The following PKDCC variants were observed in gnomAD, a reference collection of about 807,000 sequenced individuals.
The protein encoded by PKDCC is protein kinase domain containing, cytoplasmic.
In PKDCC, 35 loss-of-function variants were observed where a neutral mutation model predicts 44.7. That is an observed-to-expected ratio of 0.78 (90% CI 0.60 to 1.04). PKDCC has a LOEUF of 1.04. Ranked by LOEUF, PKDCC falls within the 50% of genes least tolerant of loss-of-function variation. The pLI is 0.00. For missense variants in PKDCC, 738 were observed against 672.7 expected, an observed-to-expected ratio of 1.10 and a Z score of -1.07; for synonymous variants, 353 against 303.3, an observed-to-expected ratio of 1.16 and a Z score of -1.70.
chr2:42,048,584 C>G lies in PKDCC; in HGVS notation c.385C>G (p.Arg129Gly). The G allele has an allele frequency of 6.9e-7, 1 of 1,454,864 alleles. No homozygotes were observed. Among genetic ancestry groups the G allele is most frequent in the Non-Finnish European group, 9.1e-7 (1 of 1,102,842 alleles). 90.1% of individuals were successfully genotyped at this position (1,454,864 alleles called of 1,614,324 possible). Residue 129 changes from arginine (R) to glycine (G), a missense_variant, in exon 1 of 7, where the codon CGC becomes GGC. By Grantham distance (125) the Arg-to-Gly change is moderately radical (BLOSUM62 -2). Coordinates refer to ENST00000294964, the MANE Select transcript of PKDCC (RefSeq NM_138370.3). This position sits in a 1 kb window ranked among gnomAD's most constrained non-coding sequence, Gnocchi z 6.2. ...CCCAGGCTCCCCCGGCCCGGGCCCG[C>G]GCCTGGGCTGCGCCGCGCTTCGCAA... is the stretch of plus-strand genomic sequence containing the variant. ...PGPGSPGPGP[R>G]LGCAALRNVS...
Position 42,054,185 on chromosome 2 carries a change from G to A in PKDCC, c.912G>A (p.Thr304=), listed in dbSNP as rs778065415. The change falls in exon 3 of 7, where the codon ACG becomes ACA. Residue 304 remains threonine (T), a synonymous_variant. Coordinates refer to ENST00000294964, the MANE Select transcript of PKDCC (RefSeq NM_138370.3). The surrounding 1 kb of genome is among the most constrained non-coding windows in gnomAD (Gnocchi z 6.1). ...TGGATGACGCACGTGTGGAGGAGAC[G>A]CCGTGTGCAGGCAGCACCGACTGCA... The part of the protein sequence containing the change: ...TDLDDARVEE[T]PCAGSTDCIL... The A allele has an allele frequency of 8.7e-6, 14 of 1,609,268 alleles. No individual in the cohort carries two copies. Among genetic ancestry groups the A allele is most frequent in the African/African-American group, 6.7e-5 (5 of 74,850 alleles).
chr2:42,054,861 G>A lies in PKDCC; in HGVS notation c.1035-80G>A, dbSNP rs918828133. The A allele has an allele frequency of 1.3e-5, 17 of 1,351,060 alleles. No homozygotes were observed. Among genetic ancestry groups the A allele is most frequent in the South Asian group, 3.5e-5 (3 of 85,098 alleles). 83.7% of individuals were successfully genotyped at this position (1,351,060 alleles called of 1,614,324 possible). Reference sequence around the variant, plus strand: ...GATCCGGCTCCCTGGCCAGGTTAGCGTTCTGCCCCAGGTTGGAATAGAGGA... The same window carrying A: ...GATCCGGCTCCCTGGCCAGGTTAGCATTCTGCCCCAGGTTGGAATAGAGGA... On this transcript the variant is annotated intron_variant, in intron 3 of 6. Transcript: ENST00000294964. The surrounding 1 kb of genome is among the most constrained non-coding windows in gnomAD (Gnocchi z 6.1).
chr2:42,055,435 G>A lies in PKDCC; in HGVS notation c.1222+42G>A. 6.3e-7 allele frequency: 1 copy of A among 1,579,186 alleles called. No individual in the cohort carries two copies. On this transcript the variant is annotated intron_variant, in intron 5 of 6. Coordinates refer to ENST00000294964, the MANE Select transcript of PKDCC (RefSeq NM_138370.3). The surrounding 1 kb of genome is among the most constrained non-coding windows in gnomAD (Gnocchi z 4.5). ...TGATCCACAGGGAAGCAAGAAACAG[G>A]TGGGAGGGTGAATGACCCCGCCCAA...
rs752001053 is a variant in PKDCC at position 42,055,340 on chromosome 2, A to G, written c.1169A>G (p.His390Arg). 6.2e-6 allele frequency: 10 copies of G among 1,613,610 alleles called. No individual in the cohort carries two copies. The African/African-American group carries it at 1.3e-4, about 22-fold the overall frequency. ...ETLAQLEKVL[H>R]LYRSGQYLQN... Reference sequence around the variant, plus strand: ...CTGGCCCAGCTGGAGAAGGTGCTGCACCTGTACCGGAGCGGGCAGTATCTG... The same window carrying G: ...CTGGCCCAGCTGGAGAAGGTGCTGCGCCTGTACCGGAGCGGGCAGTATCTG... The change falls in exon 5 of 7, where the codon CAC becomes CGC. Residue 390 changes from histidine to arginine, a missense_variant. Transcript: ENST00000294964. The surrounding 1 kb of genome is among the most constrained non-coding windows in gnomAD (Gnocchi z 4.5).
At chr2:42,049,217 C>T (rs1316273461) in intron 1 of PKDCC, among the ~76,000 whole-genome samples, 1 of 152,190 alleles carries the variant, frequency 6.6e-6, no homozygotes, top group Non-Finnish European at 1.5e-5. Flanking sequence ...ACACTTGAGT[C>T]AGAATTCCAA....
intron 2 of PKDCC, 115 bp from the exon 3 acceptor site, chr2:42,053,921 A>C (rs1187967200): frequency 7.5e-7 from 1 of 1,333,032 alleles, no homozygotes; most frequent in Non-Finnish European, 1.0e-6. Flanking sequence ...CCTATAGAAG[A>C]GAAGTGCCAA....
Position 42,048,866 on chromosome 2 carries a change from G to C in PKDCC, c.639+28G>C. ...ACGAGGGTGGGGACGCGGGGGTAAC[G>C]GTGTTGGCTGGGAGTGCCCAAGACC... On this transcript the variant is annotated intron_variant, in intron 1 of 6. Transcript: ENST00000294964. This position sits in a 1 kb window ranked among gnomAD's most constrained non-coding sequence, Gnocchi z 6.2. 2 of 1,452,748 alleles carry C rather than the reference G, an allele frequency of 1.4e-6. No individual in the cohort carries two copies. Among genetic ancestry groups the C allele is most frequent in the Non-Finnish European group, 1.8e-6 (2 of 1,098,150 alleles). The allele number at this position is 1,452,748 out of a possible 1,614,324, so 90.0% of individuals were successfully genotyped here.
At position 42,048,438 on chromosome 2, in the gene PKDCC, G is replaced by A. The variant is rs1572758754; in HGVS notation, c.239G>A (p.Gly80Asp). The A allele has an allele frequency of 9.0e-7, 1 of 1,112,162 alleles. No individual in the cohort carries two copies. 68.9% of individuals were successfully genotyped at this position (1,112,162 alleles called of 1,614,324 possible). A position where few individuals can be genotyped will look rare whatever the true frequency, so the allele number is the denominator to read the frequency against. Residue 80 changes from glycine to aspartate, a missense_variant, in exon 1 of 7, where the codon GGC becomes GAC. Coordinates refer to ENST00000294964, the MANE Select transcript of PKDCC (RefSeq NM_138370.3). The surrounding 1 kb of genome is among the most constrained non-coding windows in gnomAD (Gnocchi z 6.2). Reference protein sequence around the residue: ...YSRGGPGPGAGRPERRRLMDL... With the variant: ...YSRGGPGPGADRPERRRLMDL... ...CGCGGGGGCCCCGGGCCCGGGGCGG[G>A]CCGGCCGGAGCGGCGGCGCCTGATG...
Position 42,057,635 on chromosome 2 carries a change from AG to A in PKDCC, c.1430del (p.Ser477ThrfsTer13), listed in dbSNP as rs757329395. ...GCTGGTCTTTTTCAAGACTGGATGG[AG>A]CCAAGTGGTCCCTGATCCCAACAAG... is the stretch of plus-strand genomic sequence containing the variant. ...RQLVFFKTGW[S>X]QVVPDPNKTT... is the part of the protein sequence containing the mutation. On this transcript the variant is annotated frameshift_variant, in exon 7 of 7. Coordinates refer to ENST00000294964, the MANE Select transcript of PKDCC (RefSeq NM_138370.3). LOFTEE classifies it high-confidence loss of function. 1 of 1,613,970 alleles carries A rather than the reference AG, an allele frequency of 6.2e-7. No individual in the cohort carries two copies. Among genetic ancestry groups the A allele is most frequent in the Non-Finnish European group, 8.5e-7 (1 of 1,179,978 alleles).
chr2:42,048,693 T>G lies in PKDCC; in HGVS notation c.494T>G (p.Leu165Arg). Residue 165 changes from leucine (L) to arginine (R), a missense_variant, in exon 1 of 7, where the codon CTC becomes CGC. Leu to Arg is a moderately radical substitution (Grantham distance 102). Transcript: ENST00000294964. The surrounding 1 kb of genome is among the most constrained non-coding windows in gnomAD (Gnocchi z 6.2). The stretch of plus-strand genomic sequence containing the variant: ...CTGCCCGGCGGTGCCGCGGTGGCGC[T>G]CAAGGCGGTGGACTTTAGCGGCCAC... ...VRLPGGAAVA[L>R]KAVDFSGHDL... 6.4e-7 allele frequency: 1 copy of G among 1,550,950 alleles called. No individual in the cohort carries two copies. The highest frequency in any genetic ancestry group is 1.2e-5 in the South Asian group (1 of 84,238).
rs1345169400 is a variant in PKDCC, at chr2:42,048,264, T to C, written c.65T>C (p.Leu22Pro). The C allele has an allele frequency of 7.8e-7, 1 of 1,280,090 alleles. No individual in the cohort carries two copies. Among genetic ancestry groups the C allele is most frequent in the South Asian group, 1.8e-5 (1 of 54,306 alleles). 79.3% of individuals were successfully genotyped at this position (1,280,090 alleles called of 1,614,324 possible). The change falls in exon 1 of 7, where the codon CTC becomes CCC. Residue 22 changes from leucine to proline, a missense_variant. Coordinates refer to ENST00000294964, the MANE Select transcript of PKDCC (RefSeq NM_138370.3). The surrounding 1 kb of genome is among the most constrained non-coding windows in gnomAD (Gnocchi z 6.2). Reference protein sequence around the residue: ...FCASFLLGSVLNVLFAPGSEP... With the variant: ...FCASFLLGSVPNVLFAPGSEP... ...GCCTCCTTCCTGCTGGGCTCCGTCC[T>C]CAACGTGCTCTTCGCTCCGGGCTCG... is the stretch of plus-strand genomic sequence containing the variant.
At chr2:42,053,830 G>A (rs1550431) in intron 2 of PKDCC, among the ~76,000 whole-genome samples, 32,082 of 152,018 alleles carry the variant, frequency 0.21, 4,635 homozygotes, top group East Asian at 0.43. Flanking sequence ...CATTTCCAGG[G>A]TCAGGCCAGC....
At chr2:42,050,863 G>T (rs1038693912) in intron 1 of PKDCC, among the ~76,000 whole-genome samples, 2 of 152,126 alleles carry the variant, frequency 1.3e-5, no homozygotes, top group Admixed American at 1.3e-4. Context: ...GGCCAGTGTC[G>T]CTCTGGCCTC....
intron 1 of PKDCC, among the ~76,000 whole-genome samples, chr2:42,049,760 G>A (rs1667936398): frequency 6.6e-6 from 1 of 152,054 alleles, no homozygotes; most frequent in Admixed American, 6.6e-5. Flanking sequence ...AACACTCCAC[G>A]TCCTCTCTCT....
Position 42,054,876 on chromosome 2 carries a change from G to T in PKDCC, c.1035-65G>T. 6.9e-7 allele frequency: 1 copy of T among 1,455,630 alleles called. No homozygotes were observed. Among genetic ancestry groups the T allele is most frequent in the East Asian group, 2.3e-5 (1 of 44,090 alleles). 90.2% of individuals were successfully genotyped at this position (1,455,630 alleles called of 1,614,324 possible). ...CCAGGTTAGCGTTCTGCCCCAGGTT[G>T]GAATAGAGGAAGGATGTGTCTCCAA... On this transcript the variant is annotated intron_variant, in intron 3 of 6. Transcript: ENST00000294964. This position sits in a 1 kb window ranked among gnomAD's most constrained non-coding sequence, Gnocchi z 6.1.
At position 42,054,178 on chromosome 2, in the gene PKDCC, A is replaced by G. The variant is rs1391113074; in HGVS notation, c.905A>G (p.Glu302Gly). The G allele has an allele frequency of 7.4e-6, 12 of 1,611,210 alleles. No individual in the cohort carries two copies. Among genetic ancestry groups the G allele is most frequent in the Non-Finnish European group, 1.0e-5 (12 of 1,178,704 alleles). ...ACGGACCTGGATGACGCACGTGTGG[A>G]GGAGACGCCGTGTGCAGGCAGCACC... ...KVTDLDDARVEETPCAGSTDC... is the reference protein window; with the variant it reads ...KVTDLDDARVGETPCAGSTDC... Residue 302 changes from glutamate (E) to glycine (G), a missense_variant, in exon 3 of 7, where the codon GAG (glutamate) becomes GGG (glycine). Coordinates refer to ENST00000294964, the MANE Select transcript of PKDCC (RefSeq NM_138370.3). This position sits in a 1 kb window ranked among gnomAD's most constrained non-coding sequence, Gnocchi z 6.1.
rs1161850475 is a variant in PKDCC at position 42,054,424 on chromosome 2, C to T, written c.1034+117C>T. ...CAGGGAGACTCAGCCTTGACCAGAGCAAGGGAAGGCTTCTACCCTGTCCAG... is the reference window on the plus strand; with the variant it reads ...CAGGGAGACTCAGCCTTGACCAGAGTAAGGGAAGGCTTCTACCCTGTCCAG... On this transcript the variant is annotated intron_variant, in intron 3 of 6. Transcript: ENST00000294964. This position sits in a 1 kb window ranked among gnomAD's most constrained non-coding sequence, Gnocchi z 6.1. 8.0e-7 allele frequency: 1 copy of T among 1,243,056 alleles called. No homozygotes were observed. Among genetic ancestry groups the T allele is most frequent in the African/African-American group, 1.5e-5 (1 of 66,488 alleles). 77.0% of individuals were successfully genotyped at this position (1,243,056 alleles called of 1,614,324 possible). A position where few individuals can be genotyped will look rare whatever the true frequency, so the allele number is the denominator to read the frequency against.
Position 42,054,728 on chromosome 2 carries a change from C to T in PKDCC, c.1035-213C>T, listed in dbSNP as rs1007013352. On this transcript the variant is annotated intron_variant, in intron 3 of 6. Transcript: ENST00000294964. This position sits in a 1 kb window ranked among gnomAD's most constrained non-coding sequence, Gnocchi z 6.1. ...CCTGGGAAGGGTTGGGAAGCAGGCC[C>T]CTGGTTTCGGTTAGTATGAAGTTAG... The T allele has an allele frequency of 1.5e-5, 9 of 609,710 alleles. No individual in the cohort carries two copies. Among genetic ancestry groups the T allele is most frequent in the African/African-American group, 3.7e-5 (2 of 54,442 alleles). The allele number at this position is 609,710 out of a possible 1,614,324, so 37.8% of individuals were successfully genotyped here.
Position 42,048,292 on chromosome 2 carries a change from G to A in PKDCC, c.93G>A (p.Glu31=). ...ACGTGCTCTTCGCTCCGGGCTCGGAGCCTCCGAGGCCAGGCCAGTCCCCTG... is the reference window on the plus strand; with the variant it reads ...ACGTGCTCTTCGCTCCGGGCTCGGAACCTCCGAGGCCAGGCCAGTCCCCTG... The part of the protein sequence containing the change: ...VLNVLFAPGS[E]PPRPGQSPEP... The change falls in exon 1 of 7, where the codon GAG becomes GAA. Residue 31 remains glutamate, a synonymous_variant. Transcript: ENST00000294964. The surrounding 1 kb of genome is among the most constrained non-coding windows in gnomAD (Gnocchi z 6.2). 1 of 1,262,762 alleles carries A rather than the reference G, an allele frequency of 7.9e-7. No homozygotes were observed. The highest frequency in any genetic ancestry group is 1.0e-6 in the Non-Finnish European group (1 of 1,000,060). The allele number at this position is 1,262,762 out of a possible 1,614,324, so 78.2% of individuals were successfully genotyped here.
Sources: allele counts gnomAD v4.1 joint callset (sites outside exome capture counted in the v4.1 genomes callset), GRCh38; gene constraint gnomAD v4.1.1; non-coding constraint Gnocchi (gnomAD v3.1); transcripts MANE v1.5; gene names NCBI Gene and HGNC (gene_info 2026-07-23, HGNC 2026-07-21).